RAPGEF6: variants seen among roughly 807,000 people sequenced by gnomAD.
The protein encoded by RAPGEF6 is Rap guanine nucleotide exchange factor 6.
RAPGEF6 carries 56 observed loss-of-function variants against 171.4 expected under a neutral mutation model. The ratio of observed to expected loss-of-function variants is 0.33; its 90% CI spans 0.26 to 0.41. The LOEUF is 0.41. Among genes scored for constraint, RAPGEF6 ranks in the 10% least tolerant of loss-of-function variants. The pLI is 1.00. For missense variants in RAPGEF6, 1,674 were observed against 1,921.4 expected (o/e 0.87, Z 2.41); for synonymous variants, 692 against 650.1 (o/e 1.06, Z -0.98).
chr5:131,434,798 T>C (rs1751920041), intron 24 of RAPGEF6, among the ~76,000 whole-genome samples: 1 of 152,250 alleles, frequency 6.6e-6, no homozygotes, highest in East Asian at 1.9e-4. Flanking sequence ...ATGGCTAATG[T>C]ACATAATAAT....
chr5:131,551,701 G>C (rs889506451), intron 5 of RAPGEF6, among the ~76,000 whole-genome samples: 7 of 152,032 alleles, frequency 4.6e-5, no homozygotes, highest in Admixed American at 3.3e-4. Flanking sequence ...GAGCAATGCA[G>C]AGATTTAAAC....
intron 24 of RAPGEF6, chr5:131,436,385 G>C (rs1752006049): frequency 6.5e-7 from 1 of 1,535,072 alleles, no homozygotes; most frequent in African/African-American, 1.4e-5. Flanking sequence ...CTGCCAACTG[G>C]AGGGAGAGAT....
chr5:131,600,148 G>C (rs1313501889), intron 3 of RAPGEF6, among the ~76,000 whole-genome samples: 1 of 152,140 alleles, frequency 6.6e-6, no homozygotes, highest in Non-Finnish European at 1.5e-5. Flanking sequence ...TCCGATTAAT[G>C]TCAGAAAGAT....
chr5:131,561,653 T>C, intron 5 of RAPGEF6, among the ~76,000 whole-genome samples: 2 of 103,716 alleles, frequency 1.9e-5, no homozygotes, highest in Admixed American at 1.2e-4. Context: ...AGAATGAAAC[T>C]CTGTCTCAAA....
intron 1 of RAPGEF6, among the ~76,000 whole-genome samples, chr5:131,612,604 T>C (rs1431585736): frequency 6.6e-6 from 1 of 152,148 alleles, no homozygotes; most frequent in African/African-American, 2.4e-5. Context: ...ATGTCTATCC[T>C]GTGGAAATGT....
At chr5:131,446,365 G>A (rs1402336128) in intron 22 of RAPGEF6, 118 bp downstream of exon 22, 2 of 938,192 alleles carry the variant, frequency 2.1e-6, no homozygotes, top group Non-Finnish European at 3.2e-6. Context: ...CTTAAGGTAT[G>A]CCAGCAATCT....
chr5:131,622,412 G>A (rs1765645858), intron 1 of RAPGEF6, among the ~76,000 whole-genome samples: 1 of 152,182 alleles, frequency 6.6e-6, no homozygotes, highest in Non-Finnish European at 1.5e-5. Context: ...ATAACACTGT[G>A]TTTATCATTT....
At chr5:131,428,639 T>C (rs1751512986) in intron 27 of RAPGEF6, among the ~76,000 whole-genome samples, 1 of 152,138 alleles carries the variant, frequency 6.6e-6, no homozygotes, top group East Asian at 1.9e-4. Flanking sequence ...TTTGTATTTT[T>C]TTAGTAGAGA....
In RAPGEF6 at chr5:131,430,937, A is replaced by G; in HGVS notation, c.4387T>C (p.Ser1463Pro). Reference sequence around the variant, plus strand: ...GCATCCTTGGGGTCCAAGCCTTCAGATGACTCAGCTGGGGTGCTCTCCAAT... The same window carrying G: ...GCATCCTTGGGGTCCAAGCCTTCAGGTGACTCAGCTGGGGTGCTCTCCAAT... The part of the protein sequence containing the change: ...RVLESTPAES[S>P]EGLDPKDATD... The change falls in exon 26 of 28, where the codon TCT (serine) becomes CCT (proline). Residue 1463 changes from serine to proline, a missense_variant. By Grantham distance (74) the Ser-to-Pro change is moderately conservative. Around this residue, in one of 3 missense-constraint regions of RAPGEF6, gnomAD observed 552 missense variants for 574.2 expected, o/e 0.96. Coordinates refer to ENST00000509018, the MANE Select transcript of RAPGEF6 (RefSeq NM_016340.6). 1 of 1,614,102 alleles carries G rather than the reference A, an allele frequency of 6.2e-7. No homozygotes were observed. Among genetic ancestry groups the G allele is most frequent in the South Asian group, 1.1e-5 (1 of 91,080 alleles).
At chr5:131,571,751 G>T in intron 4 of RAPGEF6, among the ~76,000 whole-genome samples, 1 of 152,114 alleles carries the variant, frequency 6.6e-6, no homozygotes, top group Non-Finnish European at 1.5e-5. Flanking sequence ...AAGAACATAT[G>T]AAAACAAATA....
intron 5 of RAPGEF6, among the ~76,000 whole-genome samples, chr5:131,560,730 C>T (rs142256578): frequency 3.4e-4 from 52 of 152,248 alleles, no homozygotes; most frequent in African/African-American, 1.2e-3. Context: ...CAGTACTCTG[C>T]GATACTCTCG....
At chr5:131,614,627 G>A (rs1580680276) in intron 1 of RAPGEF6, among the ~76,000 whole-genome samples, 2 of 152,204 alleles carry the variant, frequency 1.3e-5, no homozygotes, top group East Asian at 3.8e-4. Context: ...CATCACTGGG[G>A]ATTACAATTC....
intron 26 of RAPGEF6, among the ~76,000 whole-genome samples, chr5:131,430,006 T>C (rs984744048): frequency 1.6e-4 from 23 of 147,896 alleles, no homozygotes; most frequent in African/African-American, 5.8e-4. Context: ...GCCGAGGTCA[T>C]GCCACTGCAC....
Position 131,518,401 on chromosome 5 carries a change from T to TC in RAPGEF6, c.627+2988_627+2989insG, listed in dbSNP as rs112384535. 7.6e-3 allele frequency among the ~76,000 whole-genome samples: 1,147 copies of TC among 149,958 alleles called. 11 individuals carry two copies. Among genetic ancestry groups the TC allele is most frequent in the African/African-American group, 0.026 (1,079 of 41,040 alleles). ...TAACTGTTATGTCAGAGTTTGAAAT[T>TC]TTTTTTTTTTTTGGAGACGGAGTTT... On this transcript the variant is annotated intron_variant, in intron 7 of 27. Coordinates refer to ENST00000509018, the MANE Select transcript of RAPGEF6 (RefSeq NM_016340.6).
intron 1 of RAPGEF6, among the ~76,000 whole-genome samples, chr5:131,627,921 T>C (rs1052714723): frequency 6.6e-6 from 1 of 152,186 alleles, no homozygotes; most frequent in African/African-American, 2.4e-5. Context: ...CTACTGTAAT[T>C]GTTTTGGGGC....
intron 6 of RAPGEF6, among the ~76,000 whole-genome samples, chr5:131,546,695 T>C (rs915991737): frequency 1.3e-5 from 2 of 152,136 alleles, no homozygotes; most frequent in African/African-American, 4.8e-5. Flanking sequence ...ATTATTATAA[T>C]GGAGTACTGT....
chr5:131,464,099 G>C lies in RAPGEF6; in HGVS notation c.2422C>G (p.Gln808Glu), dbSNP rs774849515. The part of the protein sequence containing the change: ...VSVTPEGVIK[Q>E]RRLPDQFSKL... Reference sequence around the variant, plus strand: ...GAGAACTGATCTGGAAGTCTTCTCTGTTTTATGACACCCTCAGGAGTAACA... The same window carrying C: ...GAGAACTGATCTGGAAGTCTTCTCTCTTTTATGACACCCTCAGGAGTAACA... The change falls in exon 18 of 28, where the codon CAG (glutamine) becomes GAG (glutamate). Residue 808 changes from glutamine to glutamate, a missense_variant. Around this residue, in one of 3 missense-constraint regions of RAPGEF6, gnomAD observed 1,116 missense variants for 1,321.5 expected, o/e 0.84. Coordinates refer to ENST00000509018, the MANE Select transcript of RAPGEF6 (RefSeq NM_016340.6). 1.9e-6 allele frequency: 3 copies of C among 1,613,538 alleles called. No individual in the cohort carries two copies. Among genetic ancestry groups the C allele is most frequent in the Non-Finnish European group, 2.5e-6 (3 of 1,179,716 alleles).
intron 16 of RAPGEF6, among the ~76,000 whole-genome samples, chr5:131,475,995 T>G (rs1431688462): frequency 6.6e-6 from 1 of 152,104 alleles, no homozygotes; most frequent in Non-Finnish European, 1.5e-5. Context: ...TTTTTTCAAT[T>G]AAAAAATAAC....
chr5:131,496,507 T>C (rs1431475434), intron 12 of RAPGEF6, among the ~76,000 whole-genome samples: 1 of 152,196 alleles, frequency 6.6e-6, no homozygotes. Flanking sequence ...TCATTAAGCT[T>C]TCACTTCCCA....
Sources: allele counts gnomAD v4.1 joint callset (sites outside exome capture counted in the v4.1 genomes callset), GRCh38; gene constraint gnomAD v4.1.1; regional missense constraint gnomAD v4.1.1; transcripts MANE v1.5; gene names NCBI Gene and HGNC (gene_info 2026-07-23, HGNC 2026-07-21).